The following SLC4A4 variants were observed in gnomAD, a reference collection of about 807,000 sequenced individuals.
SLC4A4 encodes the protein solute carrier family 4 member 4.
A neutral mutation model predicts 111.5 loss-of-function variants in SLC4A4; 27 were observed. The observed-to-expected ratio is 0.24, with a 90% confidence interval of 0.18 to 0.33. SLC4A4 has a LOEUF of 0.33. SLC4A4 is among the 10% of genes least tolerant of loss of function. The pLI is 1.00. For missense variants in SLC4A4, 909 were observed against 1,315.5 expected, an observed-to-expected ratio of 0.69 and a Z score of 4.78; for synonymous variants, 443 against 463.4, an observed-to-expected ratio of 0.96 and a Z score of 0.57.
At chr4:71,470,650 C>G (rs1303008418) in intron 13 of SLC4A4, among the ~76,000 whole-genome samples, 2 of 151,962 alleles carry the variant, frequency 1.3e-5, no homozygotes, top group African/African-American at 2.4e-5. Context: ...TCCAGAGAAA[C>G]AGAACCCATA....
At chr4:71,265,284 A>G (rs894285118) in intron 3 of SLC4A4, among the ~76,000 whole-genome samples, 1 of 152,172 alleles carries the variant, frequency 6.6e-6, no homozygotes, top group Non-Finnish European at 1.5e-5. Flanking sequence ...TGATTTTGTA[A>G]AAGGCTCATA....
At chr4:71,439,688 C>T (rs1244037277) in intron 7 of SLC4A4, among the ~76,000 whole-genome samples, 1 of 151,602 alleles carries the variant, frequency 6.6e-6, no homozygotes, top group African/African-American at 2.4e-5. Context: ...TAGGGTGACC[C>T]AGGACTTAAC....
chr4:71,112,601 G>T (rs1332764398), intron 2 of SLC4A4, among the ~76,000 whole-genome samples: 1 of 152,140 alleles, frequency 6.6e-6, no homozygotes, highest in Non-Finnish European at 1.5e-5. Context: ...TCACACCTTG[G>T]GCCTTTGTTA....
At chr4:71,223,199 C>A (rs542398600) in intron 1 of SLC4A4, among the ~76,000 whole-genome samples, 1 of 150,466 alleles carries the variant, frequency 6.6e-6, no homozygotes, top group Non-Finnish European at 1.5e-5. Flanking sequence ...TTTCTGAGAC[C>A]AAGCCTCCCT....
At chr4:71,562,236 A>G (rs746590866) in intron 23 of SLC4A4, among the ~76,000 whole-genome samples, 1 of 151,798 alleles carries the variant, frequency 6.6e-6, no homozygotes, top group Admixed American at 6.6e-5. Context: ...ACAAATAAAC[A>G]TATACATTGG....
At chr4:71,123,916 G>T (rs1455768222) in intron 2 of SLC4A4, among the ~76,000 whole-genome samples, 1 of 152,266 alleles carries the variant, frequency 6.6e-6, no homozygotes, top group African/African-American at 2.4e-5. Flanking sequence ...TCCACTTTGA[G>T]TATCTAATTT....
chr4:71,422,450 C>A (rs1722627362), intron 7 of SLC4A4, among the ~76,000 whole-genome samples: 1 of 151,002 alleles, frequency 6.6e-6, no homozygotes, highest in African/African-American at 2.4e-5. Context: ...CTATTCCAAT[C>A]AATAGAAAAA....
intron 1 of SLC4A4, among the ~76,000 whole-genome samples, chr4:71,063,181 G>C (rs1424075302): frequency 3.3e-5 from 5 of 152,110 alleles, no homozygotes; most frequent in Non-Finnish European, 7.4e-5. Flanking sequence ...CTATTTACTT[G>C]GATAAAAGGA....
intron 3 of SLC4A4, among the ~76,000 whole-genome samples, chr4:71,261,266 C>A (rs891107310): frequency 1.3e-5 from 2 of 152,198 alleles, no homozygotes; most frequent in Non-Finnish European, 2.9e-5. Context: ...ATACTGCCAC[C>A]AGCAAGTGGC....
chr4:71,099,865 A>C (rs1742670991), intron 2 of SLC4A4, among the ~76,000 whole-genome samples: 1 of 152,190 alleles, frequency 6.6e-6, no homozygotes, highest in African/African-American at 2.4e-5. Flanking sequence ...GAGATGGATA[A>C]ATTCCTGGCT....
intron 3 of SLC4A4, among the ~76,000 whole-genome samples, chr4:71,278,392 G>A (rs1172369121): frequency 6.6e-6 from 1 of 152,144 alleles, no homozygotes; most frequent in Non-Finnish European, 1.5e-5. Context: ...TAATGCTGTG[G>A]TGAATATGTG....
In SLC4A4 at chr4:71,456,873, A is replaced by G. The variant is rs563949715; in HGVS notation, c.1497+3204A>G. 4.6e-5 allele frequency among the ~76,000 whole-genome samples: 7 copies of G among 152,290 alleles called. No individual in the cohort carries two copies. The South Asian group carries it at 1.5e-3, about 32-fold the overall frequency. The stretch of plus-strand genomic sequence containing the variant: ...AACAGTAGACCAAGACTAAGCAGAA[A>G]AGCATTGGCAGAGCCTGAAATAATC... On this transcript the variant is annotated intron_variant, in intron 12 of 25. Transcript: ENST00000264485.
chr4:71,084,683 C>T (rs753020414), intron 1 of SLC4A4, among the ~76,000 whole-genome samples: 12 of 151,992 alleles, frequency 7.9e-5, no homozygotes, highest in Non-Finnish European at 1.3e-4. Context: ...CGATAGTTTG[C>T]TGAGAATGAT....
intron 16 of SLC4A4, among the ~76,000 whole-genome samples, chr4:71,507,575 G>A (rs1428795129): frequency 6.6e-6 from 1 of 152,184 alleles, no homozygotes; most frequent in East Asian, 1.9e-4. Flanking sequence ...CAATAAGGGA[G>A]CACCAAGATT....
chr4:71,504,419 GT>G (rs1029378570), intron 16 of SLC4A4, among the ~76,000 whole-genome samples: 2 of 149,614 alleles, frequency 1.3e-5, no homozygotes, highest in Non-Finnish European at 3.0e-5. Context: ...GCTATCAGTT[GT>G]TTTTTTTATT....
intron 3 of SLC4A4, among the ~76,000 whole-genome samples, chr4:71,331,203 C>A (rs1286287444): frequency 6.6e-6 from 1 of 152,124 alleles, no homozygotes; most frequent in Non-Finnish European, 1.5e-5. Flanking sequence ...ACTAGAAATA[C>A]CATTTGACCC....
At chr4:71,540,825 G>T (rs1253531369) in intron 18 of SLC4A4, among the ~76,000 whole-genome samples, 1 of 152,154 alleles carries the variant, frequency 6.6e-6, no homozygotes, top group Non-Finnish European at 1.5e-5. Context: ...ATGAGCAAAT[G>T]CAAAAGGCCC....
In SLC4A4 at chr4:71,418,859, G is replaced by T. The variant is rs891323997; in HGVS notation, c.807+21206G>T. Reference sequence around the variant, plus strand: ...TGGTCTTTGATGATGGTGATGTACAGACGGGTTTTTGGTGTGGATGTCCTT... The same window carrying T: ...TGGTCTTTGATGATGGTGATGTACATACGGGTTTTTGGTGTGGATGTCCTT... On this transcript the variant is annotated intron_variant, in intron 7 of 25. Coordinates refer to ENST00000264485, the MANE Select transcript of SLC4A4 (RefSeq NM_001098484.3). 2.0e-5 allele frequency among the ~76,000 whole-genome samples: 3 copies of T among 152,222 alleles called. No individual in the cohort carries two copies. In the East Asian group the frequency reaches 5.8e-4, roughly 29 times the overall value.
chr4:71,260,022 A>G (rs1391864324), intron 3 of SLC4A4, among the ~76,000 whole-genome samples: 1 of 152,204 alleles, frequency 6.6e-6, no homozygotes, highest in African/African-American at 2.4e-5. Context: ...ATGTCCATAC[A>G]GACACTCATT....
Sources: allele counts gnomAD v4.1 joint callset (sites outside exome capture counted in the v4.1 genomes callset), GRCh38; gene constraint gnomAD v4.1.1; transcripts MANE v1.5; gene names NCBI Gene and HGNC (gene_info 2026-07-23, HGNC 2026-07-21).